The following GALR2 variants were observed in gnomAD, a reference collection of about 807,000 sequenced individuals.
The protein encoded by GALR2 is galanin receptor type 2.
A neutral mutation model predicts 7.2 loss-of-function variants in GALR2; 5 were observed. That is an observed-to-expected ratio of 0.69 (90% confidence interval 0.36 to 1.45). GALR2 has a LOEUF of 1.45. Ranked by LOEUF, GALR2 falls within the 40% of genes most tolerant of loss-of-function variation. The probability of loss-of-function intolerance (pLI) is 0.03; values close to 1 mark genes in which losing one functional copy is unlikely to be tolerated. For synonymous variants in GALR2, 300 were observed against 263.9 expected, an observed-to-expected ratio of 1.14 and a Z score of -1.32; for missense variants, 561 against 555.7, an observed-to-expected ratio of 1.01 and a Z score of -0.10.
chr17:76,076,548 C>T lies in GALR2; in HGVS notation c.369-88C>T. ...ATGCGCTAAGGACCTTCCTCGAGAG[C>T]AGCCTTGGGACCGAGGTGCAGGGGT... On this transcript the variant is annotated intron_variant, in intron 1 of 1. Transcript: ENST00000329003. This position sits in a 1 kb window ranked among gnomAD's most constrained non-coding sequence, Gnocchi z 6.5. 1 of 815,860 alleles carries T rather than the reference C, an allele frequency of 1.2e-6. No individual in the cohort carries two copies. Among genetic ancestry groups the T allele is most frequent in the Non-Finnish European group, 1.9e-6 (1 of 522,826 alleles). 50.5% of individuals were successfully genotyped at this position (815,860 alleles called of 1,614,324 possible). A position where few individuals can be genotyped will look rare whatever the true frequency, so the allele number is the denominator to read the frequency against.
In GALR2 at chr17:76,077,419, T is replaced by G; in HGVS notation, c.1152T>G (p.Val384=). ...AGGCAGGCGACAGCATCCTGACGGT[T>G]GATGTGGCCTGAAAGCACTTAGCGG... The part of the protein sequence containing the change: ...GPKAGDSILT[V]DVA Residue 384 remains valine (V), a synonymous_variant, in exon 2 of 2, where the codon GTT becomes GTG. Coordinates refer to ENST00000329003, the MANE Select transcript of GALR2 (RefSeq NM_003857.4). The G allele has an allele frequency of 6.9e-7, 1 of 1,451,518 alleles. No homozygotes were observed. Among genetic ancestry groups the G allele is most frequent in the Non-Finnish European group, 9.0e-7 (1 of 1,108,098 alleles). 89.9% of individuals were successfully genotyped at this position (1,451,518 alleles called of 1,614,324 possible).
Position 76,077,071 on chromosome 17 carries a change from C to T in GALR2, c.804C>T (p.Arg268=). The T allele has an allele frequency of 6.2e-7, 1 of 1,613,076 alleles. No individual in the cohort carries two copies. The highest frequency in any genetic ancestry group is 8.5e-7 in the Non-Finnish European group (1 of 1,179,912). The part of the protein sequence containing the change: ...CVWFGQFPLT[R]ATYALRILSH... ...GGTTCGGCCAGTTCCCGCTCACGCG[C>T]GCCACTTATGCGCTTCGCATCCTCT... Residue 268 remains arginine (R), a synonymous_variant, in exon 2 of 2, where the codon CGC becomes CGT. Coordinates refer to ENST00000329003, the MANE Select transcript of GALR2 (RefSeq NM_003857.4).
chr17:76,072,587 G>A (rs936864847), upstream of GALR2: 14 of 1,484,972 alleles, frequency 9.4e-6, no homozygotes, highest in Non-Finnish European at 1.2e-5. The surrounding 1 kb of genome is among the most constrained non-coding windows in gnomAD (Gnocchi z 4.5). Flanking sequence ...ATGGGATAGC[G>A]GCGGACTCCG....
Position 76,075,144 on chromosome 17 carries a change from C to G in GALR2, c.261C>G (p.Thr87=). 6.2e-7 allele frequency: 1 copy of G among 1,612,736 alleles called. No individual in the cohort carries two copies. The highest frequency in any genetic ancestry group is 8.5e-7 in the Non-Finnish European group (1 of 1,180,008). ...TGCCCTTCCAGGCCACCATCTACAC[C>G]CTGGACGGCTGGGTGTTCGGCTCGC... ...CCVPFQATIY[T]LDGWVFGSLL... Residue 87 remains threonine, a synonymous_variant, in exon 1 of 2, where the codon ACC becomes ACG. Transcript: ENST00000329003. This position sits in a 1 kb window ranked among gnomAD's most constrained non-coding sequence, Gnocchi z 5.9.
chr17:76,075,058 A>G lies in GALR2; in HGVS notation c.175A>G (p.Thr59Ala), dbSNP rs2066881781. 2 of 1,611,642 alleles carry G rather than the reference A, an allele frequency of 1.2e-6. No individual in the cohort carries two copies. The highest frequency in any genetic ancestry group is 1.7e-6 in the Non-Finnish European group (2 of 1,179,990). The change falls in exon 1 of 2, where the codon ACT becomes GCT. Residue 59 changes from threonine (T) to alanine (A), a missense_variant. Physicochemically the swap from Thr to Ala is moderately conservative, Grantham distance 58 (BLOSUM62 0). Transcript: ENST00000329003. This position sits in a 1 kb window ranked among gnomAD's most constrained non-coding sequence, Gnocchi z 5.9. ...GCTGCGCGGCGGCCAGGCGGTCAGCACTACCAACCTGTTCATCCTTAACCT... is the reference window on the plus strand; with the variant it reads ...GCTGCGCGGCGGCCAGGCGGTCAGCGCTACCAACCTGTTCATCCTTAACCT... The part of the protein sequence containing the change: ...VLLRGGQAVS[T>A]TNLFILNLGV...
upstream of GALR2, chr17:76,072,560 C>A (rs1197870387): frequency 9.2e-6 from 14 of 1,520,716 alleles, 1 homozygote; most frequent in African/African-American, 7.1e-5. This position sits in a 1 kb window ranked among gnomAD's most constrained non-coding sequence, Gnocchi z 4.5. Context: ...GAGAGCTGGA[C>A]CTGCCTGGCC....
At position 76,076,813 on chromosome 17, in the gene GALR2, T is replaced by G; in HGVS notation, c.546T>G (p.Pro182=). The G allele has an allele frequency of 6.2e-7, 1 of 1,605,556 alleles. No individual in the cohort carries two copies. Among genetic ancestry groups the G allele is most frequent in the Non-Finnish European group, 8.5e-7 (1 of 1,179,754 alleles). ...LTVCHPAWSA[P]RRRAMDICTF... is the part of the protein sequence containing the mutation. ...TGTGCCATCCCGCGTGGAGCGCCCC[T>G]CGCCGCCGCGCCATGGACATCTGCA... is the stretch of plus-strand genomic sequence containing the variant. The change falls in exon 2 of 2, where the codon CCT becomes CCG. Residue 182 remains proline (P), a synonymous_variant. Transcript: ENST00000329003. This position sits in a 1 kb window ranked among gnomAD's most constrained non-coding sequence, Gnocchi z 6.5.
rs150093488 is a variant in GALR2, at chr17:76,076,543, G to C, written c.369-93G>C. The C allele has an allele frequency of 8.6e-4, 688 of 797,148 alleles. No individual in the cohort carries two copies. The highest frequency in any genetic ancestry group is 1.4e-3 in the South Asian group (79 of 58,110). 49.4% of individuals were successfully genotyped at this position (797,148 alleles called of 1,614,324 possible). On this transcript the variant is annotated intron_variant, in intron 1 of 1. Coordinates refer to ENST00000329003, the MANE Select transcript of GALR2 (RefSeq NM_003857.4). The surrounding 1 kb of genome is among the most constrained non-coding windows in gnomAD (Gnocchi z 6.5). The stretch of plus-strand genomic sequence containing the variant: ...TAACCATGCGCTAAGGACCTTCCTC[G>C]AGAGCAGCCTTGGGACCGAGGTGCA...
chr17:76,072,558 G>A (rs2066865713), upstream of GALR2: 1 of 1,525,614 alleles, frequency 6.6e-7, no homozygotes, highest in Non-Finnish European at 8.7e-7. The surrounding 1 kb of genome is among the most constrained non-coding windows in gnomAD (Gnocchi z 4.5). Context: ...GTGAGAGCTG[G>A]ACCTGCCTGG....
upstream of GALR2, chr17:76,072,046 G>T (rs1300543050): frequency 5.0e-6 from 3 of 599,664 alleles, no homozygotes; most frequent in Non-Finnish European, 5.6e-6. This position sits in a 1 kb window ranked among gnomAD's most constrained non-coding sequence, Gnocchi z 4.5. Context: ...GGACAACTGC[G>T]GGGCACCAGG....
At position 76,075,262 on chromosome 17, in the gene GALR2, G is replaced by T. The variant is rs762561971; in HGVS notation, c.368+11G>T. On this transcript the variant is annotated intron_variant, in intron 1 of 1. Transcript: ENST00000329003. The surrounding 1 kb of genome is among the most constrained non-coding windows in gnomAD (Gnocchi z 5.9). Reference sequence around the variant, plus strand: ...CGTCTCCCTGGACAGGTGAGCCAGCGCCTTGGCCTCCCTGGGAGATGGGCA... The same window carrying T: ...CGTCTCCCTGGACAGGTGAGCCAGCTCCTTGGCCTCCCTGGGAGATGGGCA... 3 of 1,592,018 alleles carry T rather than the reference G, an allele frequency of 1.9e-6. No individual in the cohort carries two copies. The highest frequency in any genetic ancestry group is 2.6e-6 in the Non-Finnish European group (3 of 1,173,812).
In GALR2 at chr17:76,075,186, G is replaced by A; in HGVS notation, c.303G>A (p.Val101=). Residue 101 remains valine (V), a synonymous_variant, in exon 1 of 2, where the codon GTG becomes GTA. Coordinates refer to ENST00000329003, the MANE Select transcript of GALR2 (RefSeq NM_003857.4). The surrounding 1 kb of genome is among the most constrained non-coding windows in gnomAD (Gnocchi z 5.9). ...TCGGCTCGCTGCTGTGCAAGGCGGTGCACTTCCTCATCTTCCTCACCATGC... is the reference window on the plus strand; with the variant it reads ...TCGGCTCGCTGCTGTGCAAGGCGGTACACTTCCTCATCTTCCTCACCATGC... ...WVFGSLLCKA[V]HFLIFLTMHA... 6.2e-7 allele frequency: 1 copy of A among 1,611,162 alleles called. No homozygotes were observed. The highest frequency in any genetic ancestry group is 8.5e-7 in the Non-Finnish European group (1 of 1,179,968).
rs8192514 is a variant in GALR2, at chr17:76,077,305, C to G, written c.1038C>G (p.Ser346Arg). The change falls in exon 2 of 2, where the codon AGC becomes AGG. Residue 346 changes from serine (S) to arginine (R), a missense_variant. Physicochemically the swap from Ser to Arg is moderately radical, Grantham distance 110 (BLOSUM62 -1). Transcript: ENST00000329003. ...AGTCCAGCGACCTGTTGCACATGAG[C>G]GAGGCGGCGGGGGCCCTTCGTCCCT... is the stretch of plus-strand genomic sequence containing the variant. ...ERESSDLLHMSEAAGALRPCP... is the reference protein window; with the variant it reads ...ERESSDLLHMREAAGALRPCP... The G allele has an allele frequency of 5.5e-3, 8,795 of 1,589,058 alleles. 29 individuals are homozygous for G. Among genetic ancestry groups the G allele is most frequent in the Non-Finnish European group, 5.8e-3 (6,758 of 1,174,212 alleles).
rs1673954151 is a variant in GALR2 at position 76,075,207 on chromosome 17, C to T, written c.324C>T (p.Thr108=). 1.9e-6 allele frequency: 3 copies of T among 1,608,774 alleles called. No homozygotes were observed. Among genetic ancestry groups the T allele is most frequent in the Non-Finnish European group, 2.5e-6 (3 of 1,179,938 alleles). ...CKAVHFLIFL[T]MHASSFTLAA... is the part of the protein sequence containing the mutation. ...CGGTGCACTTCCTCATCTTCCTCAC[C>T]ATGCACGCCAGCAGCTTCACGCTGG... The change falls in exon 1 of 2, where the codon ACC becomes ACT. Residue 108 remains threonine (T), a synonymous_variant. Transcript: ENST00000329003. This position sits in a 1 kb window ranked among gnomAD's most constrained non-coding sequence, Gnocchi z 5.9.
upstream of GALR2, among the ~76,000 whole-genome samples, chr17:76,073,297 ATT>A (rs1200967640): frequency 1.5e-4 from 20 of 129,694 alleles, no homozygotes; most frequent in Admixed American, 3.9e-4. Context: ...TAAATGACGG[ATT>A]TTTTTTTTTT....
In GALR2 at chr17:76,076,121, C is replaced by T. The variant is rs954972227; in HGVS notation, c.369-515C>T. Among the ~76,000 whole-genome samples, 5 of 152,362 alleles carry T rather than the reference C, an allele frequency of 3.3e-5. No individual in the cohort carries two copies. Among genetic ancestry groups the T allele is most frequent in the Admixed American group, 2.6e-4 (4 of 15,304 alleles). ...CCACTGAGCGCGAAGTGCGTTGGTT[C>T]CGAGCGCGCTGGTGGGATCCACAAA... On this transcript the variant is annotated intron_variant, in intron 1 of 1. Transcript: ENST00000329003. This position sits in a 1 kb window ranked among gnomAD's most constrained non-coding sequence, Gnocchi z 6.5.
chr17:76,074,938 G>T lies in GALR2; in HGVS notation c.55G>T (p.Gly19Ter). The change falls in exon 1 of 2, where the codon GGA (glycine) becomes TGA (stop). Residue 19 changes from glycine (G) to a stop codon, truncating the protein, a stop_gained. Coordinates refer to ENST00000329003, the MANE Select transcript of GALR2 (RefSeq NM_003857.4). LOFTEE classifies it high-confidence loss of function. The surrounding 1 kb of genome is among the most constrained non-coding windows in gnomAD (Gnocchi z 6.7). ...GAACGCGAGCCAGGCGGGCGGCGGG[G>T]GAGGCTGGCACCCCGAGGCGGTCAT... ...AGNASQAGGG[G>*]GWHPEAVIVP... 6.4e-7 allele frequency: 1 copy of T among 1,564,572 alleles called. No individual in the cohort carries two copies.
chr17:76,075,338 C>A lies in GALR2; in HGVS notation c.368+87C>A. ...CGGGACTGGGGACCAAGAAGGGACG[C>A]GCAGAGTGGGACAGGACACTAAGAA... is the stretch of plus-strand genomic sequence containing the variant. On this transcript the variant is annotated intron_variant, in intron 1 of 1. Coordinates refer to ENST00000329003, the MANE Select transcript of GALR2 (RefSeq NM_003857.4). This position sits in a 1 kb window ranked among gnomAD's most constrained non-coding sequence, Gnocchi z 5.9. 1 of 1,401,096 alleles carries A rather than the reference C, an allele frequency of 7.1e-7. No individual in the cohort carries two copies. The highest frequency in any genetic ancestry group is 9.8e-7 in the Non-Finnish European group (1 of 1,025,170). The allele number at this position is 1,401,096 out of a possible 1,614,324, so 86.8% of individuals were successfully genotyped here.
Position 76,077,152 on chromosome 17 carries a change from C to G in GALR2, c.885C>G (p.Val295=), listed in dbSNP as rs2066894553. Residue 295 remains valine (V), a synonymous_variant, in exon 2 of 2, where the codon GTC becomes GTG. Coordinates refer to ENST00000329003, the MANE Select transcript of GALR2 (RefSeq NM_003857.4). ...TCAACCCCATCGTTTACGCGCTGGTCTCCAAGCACTTCCGCAAAGGCTTCC... is the reference window on the plus strand; with the variant it reads ...TCAACCCCATCGTTTACGCGCTGGTGTCCAAGCACTTCCGCAAAGGCTTCC... ...SCVNPIVYAL[V]SKHFRKGFRT... The G allele has an allele frequency of 6.2e-7, 1 of 1,612,650 alleles. No homozygotes were observed. The highest frequency in any genetic ancestry group is 8.5e-7 in the Non-Finnish European group (1 of 1,179,776).
Sources: gnomAD v4.1 joint callset for allele counts (sites outside exome capture counted in the v4.1 genomes callset) on GRCh38, gnomAD v4.1.1 for gene constraint, Gnocchi (gnomAD v3.1) non-coding constraint, MANE v1.5 for transcripts, NCBI Gene and HGNC (gene_info 2026-07-23, HGNC 2026-07-21) for gene names.